Variants in PMS1 observed in about 807,000 individuals in gnomAD.
PMS1 encodes PMS1 homolog 1, mismatch repair system component.
PMS1 carries 79 observed loss-of-function variants against 93.1 expected under a neutral mutation model. The ratio of observed to expected loss-of-function variants is 0.85; its 90% CI spans 0.71 to 1.02. PMS1 has a LOEUF of 1.02. Among genes scored for constraint, PMS1 ranks in the 50% least tolerant of loss-of-function variants. The probability of loss-of-function intolerance (pLI) is 0.00; values close to 1 mark genes in which losing one functional copy is unlikely to be tolerated. For missense variants in PMS1, 1,064 were observed against 1,085.3 expected (o/e 0.98, Z 0.28); for synonymous variants, 335 against 363.4 (o/e 0.92, Z 0.89).
At chr2:189,858,062 CAA>C (rs2055538939) in intron 9 of PMS1, among the ~76,000 whole-genome samples, 1 of 152,074 alleles carries the variant, frequency 6.6e-6, no homozygotes, top group African/African-American at 2.4e-5. Context: ...AAAGCTATAA[CAA>C]AGAGTTTGAA....
chr2:189,820,510 CTGGGCTGGTCT>C (rs2051749984), intron 5 of PMS1, among the ~76,000 whole-genome samples: 1 of 151,984 alleles, frequency 6.6e-6, no homozygotes, highest in African/African-American at 2.4e-5. Context: ...CCTATGTTGC[CTGGGCTGGTCT>C]CAAACTTCTG....
chr2:189,861,152 A>G (rs2055948332), intron 9 of PMS1, among the ~76,000 whole-genome samples: 1 of 150,330 alleles, frequency 6.7e-6, no homozygotes, highest in Non-Finnish European at 1.5e-5. Flanking sequence ...TTTTGGGGGG[A>G]GAGGAGCCCT....
chr2:189,827,296 C>T (rs937848638), intron 5 of PMS1, among the ~76,000 whole-genome samples: 1 of 152,188 alleles, frequency 6.6e-6, no homozygotes, highest in Admixed American at 6.5e-5. Context: ...CTCTTCCAAA[C>T]AATAATACCC....
In PMS1 at chr2:189,818,143, T is replaced by G; in HGVS notation, c.545T>G (p.Leu182Arg). The change falls in exon 5 of 13, where the codon CTT becomes CGT. Residue 182 changes from leucine to arginine, a missense_variant. Transcript: ENST00000441310. ...IQDLLMSFGI[L>R]KPDLRIVFVH... ...GATCTCCTCATGAGCTTTGGTATCC[T>G]TAAACCTGACTTAAGGATTGTCTTT... 2 of 1,607,738 alleles carry G rather than the reference T, an allele frequency of 1.2e-6. No individual in the cohort carries two copies. The highest frequency in any genetic ancestry group is 1.7e-6 in the Non-Finnish European group (2 of 1,174,754).
At chr2:189,797,528 C>T (rs547908065) in intron 3 of PMS1, among the ~76,000 whole-genome samples, 1 of 152,260 alleles carries the variant, frequency 6.6e-6, no homozygotes, top group South Asian at 2.1e-4. Flanking sequence ...TATTGTGTGA[C>T]AGTATCTATG....
chr2:189,846,526 C>A (rs934792287), intron 6 of PMS1, among the ~76,000 whole-genome samples: 9 of 147,478 alleles, frequency 6.1e-5, no homozygotes, highest in South Asian at 4.3e-4. Context: ...AAAAAAAAAA[C>A]AAACTAGTCA....
At chr2:189,800,863 A>C (rs995773694) in intron 3 of PMS1, among the ~76,000 whole-genome samples, 15 of 152,336 alleles carry the variant, frequency 9.8e-5, no homozygotes, top group African/African-American at 3.6e-4. Flanking sequence ...ATTAAGTTAG[A>C]CTTTCAGCAA....
intron 4 of PMS1, chr2:189,807,134 C>G (rs2050414500): frequency 5.9e-6 from 1 of 170,126 alleles, no homozygotes; most frequent in African/African-American, 2.4e-5. Context: ...CACTCATTCA[C>G]TTATTTTGTA....
intron 5 of PMS1, among the ~76,000 whole-genome samples, chr2:189,836,830 T>A (rs2053421063): frequency 6.6e-6 from 1 of 152,250 alleles, no homozygotes; most frequent in Non-Finnish European, 1.5e-5. Flanking sequence ...TGCATAGTTC[T>A]CATGTTTCAC....
intron 5 of PMS1, among the ~76,000 whole-genome samples, chr2:189,820,267 C>T (rs1021955093): frequency 6.6e-6 from 1 of 151,664 alleles, no homozygotes; most frequent in East Asian, 1.9e-4. Flanking sequence ...CTTAACATGC[C>T]TTCAGAGTGC....
At chr2:189,843,749 G>C (rs1428888547) in intron 5 of PMS1, among the ~76,000 whole-genome samples, 2 of 152,092 alleles carry the variant, frequency 1.3e-5, no homozygotes, top group Non-Finnish European at 2.9e-5. Flanking sequence ...CAAGGTAAAG[G>C]GAAGTTAAAT....
In PMS1 at chr2:189,848,880, C is replaced by G. The variant is rs193268616; in HGVS notation, c.700-3775C>G. 7.2e-5 allele frequency among the ~76,000 whole-genome samples: 11 copies of G among 152,270 alleles called. 1 individual carries two copies. The East Asian group carries it at 1.5e-3, about 21-fold the overall frequency. On this transcript the variant is annotated intron_variant, in intron 6 of 12. Coordinates refer to ENST00000441310, the MANE Select transcript of PMS1 (RefSeq NM_000534.5). Reference sequence around the variant, plus strand: ...GTCCTGTATCACAGTTTCTTTGAGCCCTTTCTCCATCCCTGGCCAAAAGCA... The same window carrying G: ...GTCCTGTATCACAGTTTCTTTGAGCGCTTTCTCCATCCCTGGCCAAAAGCA...
At chr2:189,850,954 A>AT (rs972545884) in intron 6 of PMS1, among the ~76,000 whole-genome samples, 6 of 152,072 alleles carry the variant, frequency 3.9e-5, no homozygotes, top group African/African-American at 1.4e-4. Flanking sequence ...AGGTATTTGT[A>AT]TTTTGCCTTC....
At chr2:189,804,570 G>A (rs1023503138) in intron 3 of PMS1, among the ~76,000 whole-genome samples, 17 of 152,076 alleles carry the variant, frequency 1.1e-4, no homozygotes, top group Non-Finnish European at 2.5e-4. Context: ...TGGAGAAGCC[G>A]TTTCTTTTTG....
intron 2 of PMS1, among the ~76,000 whole-genome samples, chr2:189,793,447 G>T (rs2049071311): frequency 6.6e-6 from 1 of 152,126 alleles, no homozygotes; most frequent in Non-Finnish European, 1.5e-5. Flanking sequence ...GTTCTGTTTT[G>T]AATACACTAT....
Position 189,854,758 on chromosome 2 carries a change from G to T in PMS1, c.1486G>T (p.Asp496Tyr). The stretch of plus-strand genomic sequence containing the variant: ...TGAAAACTCTTCGGAAATTTCTGCA[G>T]ATGAGTGGAGCAGGGGAAATATACT... ...GLENSSEISA[D>Y]EWSRGNILKN... Residue 496 changes from aspartate to tyrosine, a missense_variant, in exon 9 of 13, where the codon GAT (aspartate) becomes TAT (tyrosine). Transcript: ENST00000441310. 6.2e-7 allele frequency: 1 copy of T among 1,613,848 alleles called. No homozygotes were observed. The highest frequency in any genetic ancestry group is 8.5e-7 in the Non-Finnish European group (1 of 1,179,846).
At chr2:189,825,043 GAGAC>G (rs1368471270) in intron 5 of PMS1, among the ~76,000 whole-genome samples, 2 of 151,860 alleles carry the variant, frequency 1.3e-5, no homozygotes, top group African/African-American at 2.4e-5. Context: ...TTCTGCATTA[GAGAC>G]AAACAATCAT....
At chr2:189,839,475 G>A (rs919305049) in intron 5 of PMS1, among the ~76,000 whole-genome samples, 5 of 152,132 alleles carry the variant, frequency 3.3e-5, no homozygotes, top group Admixed American at 6.6e-5. Flanking sequence ...CAGGTCATTC[G>A]TGATTTAGCC....
At chr2:189,823,843 C>T (rs1055132118) in intron 5 of PMS1, among the ~76,000 whole-genome samples, 11 of 151,994 alleles carry the variant, frequency 7.2e-5, no homozygotes, top group African/African-American at 2.7e-4. Context: ...AGGGGTGTAT[C>T]GTTTCCCACA....
Sources: gnomAD v4.1 joint callset for allele counts (sites outside exome capture counted in the v4.1 genomes callset) on GRCh38, gnomAD v4.1.1 for gene constraint, MANE v1.5 for transcripts, NCBI Gene and HGNC (gene_info 2026-07-23, HGNC 2026-07-21) for gene names.